The following BCL7A variants were observed in gnomAD, a reference collection of about 807,000 sequenced individuals.
The protein encoded by BCL7A is BAF chromatin remodeling complex subunit BCL7A, also known as B-cell CLL/lymphoma 7 protein family member A.
BCL7A carries 11 observed loss-of-function variants against 28.4 expected under a neutral mutation model. That is an observed-to-expected ratio of 0.39 (90% CI 0.24 to 0.64). BCL7A has a LOEUF of 0.64. Ranked by LOEUF, BCL7A falls within the 30% of genes least tolerant of loss-of-function variation. The pLI is 0.50. For synonymous variants in BCL7A, 123 were observed against 103.3 expected (o/e 1.19, Z -1.15); for missense variants, 222 against 274.8 (o/e 0.81, Z 1.36).
intron 1 of BCL7A, among the ~76,000 whole-genome samples, chr12:122,024,540 T>A (rs1883572208): frequency 6.7e-6 from 1 of 148,784 alleles, no homozygotes; most frequent in African/African-American, 2.5e-5. Flanking sequence ...TGAGAAGCCA[T>A]ATCTCACCTT....
At chr12:122,024,470 T>G (rs1274153583) in intron 1 of BCL7A, among the ~76,000 whole-genome samples, 4 of 151,676 alleles carry the variant, frequency 2.6e-5, no homozygotes, top group Admixed American at 6.6e-5. Context: ...TTGTTTTTTT[T>G]TTTTTTTGGC....
intron 1 of BCL7A, among the ~76,000 whole-genome samples, chr12:122,030,422 C>T (rs1392434210): frequency 2.0e-5 from 3 of 152,264 alleles, no homozygotes; most frequent in Non-Finnish European, 2.9e-5. Context: ...GGGCCCGACT[C>T]GTGCCACCCA....
At chr12:122,028,372 T>C (rs968764232) in intron 1 of BCL7A, among the ~76,000 whole-genome samples, 17 of 152,136 alleles carry the variant, frequency 1.1e-4, no homozygotes, top group Non-Finnish European at 2.2e-4. Context: ...CTGGCACACT[T>C]TCTGCCCTGA....
intron 1 of BCL7A, among the ~76,000 whole-genome samples, chr12:122,024,279 T>A (rs2135835959): frequency 6.6e-6 from 1 of 152,326 alleles, no homozygotes; most frequent in Admixed American, 6.5e-5. Flanking sequence ...GGCATATCAT[T>A]GTCACTTCTC....
intron 3 of BCL7A, among the ~76,000 whole-genome samples, chr12:122,038,431 CAAAAAAAAAAAAA>C (rs56376395): frequency 3.6e-4 from 12 of 33,560 alleles, no homozygotes; most frequent in African/African-American, 8.1e-4. Context: ...GACTCTGCCT[CAAAAAAAAAAAAA>C]AAAAAAAAAA....
intron 3 of BCL7A, among the ~76,000 whole-genome samples, chr12:122,039,502 AT>A (rs1166260250): frequency 9.9e-5 from 14 of 141,740 alleles, no homozygotes; most frequent in East Asian, 2.0e-4. Flanking sequence ...ATATATATAT[AT>A]ATAATATATA....
chr12:122,060,659 G>C lies in BCL7A; in HGVS notation c.*1496G>C, dbSNP rs1048156982. ...TTACTGGGGGTGGGGTGGGGTCATG[G>C]GTTTTGTTGTTTTTGGGGGCTAATT... On this transcript the variant is annotated 3_prime_UTR_variant, in exon 6 of 6. Coordinates refer to ENST00000261822, the MANE Select transcript of BCL7A (RefSeq NM_001024808.3). 4.3e-6 allele frequency: 1 copy of C among 233,214 alleles called. No homozygotes were observed. Among genetic ancestry groups the C allele is most frequent in the African/African-American group, 2.2e-5 (1 of 45,290 alleles). 14.4% of individuals were successfully genotyped at this position (233,214 alleles called of 1,614,324 possible).
intron 4 of BCL7A, among the ~76,000 whole-genome samples, chr12:122,045,666 T>C (rs1458865957): frequency 6.6e-6 from 1 of 152,170 alleles, no homozygotes; most frequent in Non-Finnish European, 1.5e-5. Flanking sequence ...TATATCCACC[T>C]GCTGAACTTG....
At chr12:122,038,079 C>T (rs1334535298) in intron 3 of BCL7A, among the ~76,000 whole-genome samples, 1 of 151,620 alleles carries the variant, frequency 6.6e-6, no homozygotes, top group African/African-American at 2.4e-5. Flanking sequence ...CGAGATCGCA[C>T]CACTGCACTC....
intron 3 of BCL7A, among the ~76,000 whole-genome samples, chr12:122,038,504 C>T (rs368664533): frequency 4.8e-4 from 72 of 149,788 alleles, no homozygotes; most frequent in Non-Finnish European, 9.2e-4. Context: ...AGAAAGCCCC[C>T]CCAACCAGCC....
Position 122,059,095 on chromosome 12 carries a change from T to C in BCL7A, c.565T>C (p.Leu189=), listed in dbSNP as rs28629903. The C allele has an allele frequency of 0.56, 895,280 of 1,602,714 alleles. 253,222 individuals are homozygous for C. Among genetic ancestry groups the C allele is most frequent in the Admixed American group, 0.65 (39,073 of 59,976 alleles). The change falls in exon 6 of 6, where the codon TTG becomes CTG. Residue 189 remains leucine, a synonymous_variant. Coordinates refer to ENST00000261822, the MANE Select transcript of BCL7A (RefSeq NM_001024808.3). The surrounding 1 kb of genome is among the most constrained non-coding windows in gnomAD (Gnocchi z 4.0). ...CCCCTTTTCTCCTCTCCCCAAGGAT[T>C]TGGAAGGAGTGCCACCCTCTAAAAA... ...AAETSAISQD[L]EGVPPSKKMK...
At chr12:122,025,328 G>C (rs544857414) in intron 1 of BCL7A, among the ~76,000 whole-genome samples, 2 of 151,394 alleles carry the variant, frequency 1.3e-5, no homozygotes, top group East Asian at 2.0e-4. Flanking sequence ...CAAAAAAAAA[G>C]AAAAAGAAAA....
chr12:122,042,392 C>A (rs1263547628), intron 3 of BCL7A, among the ~76,000 whole-genome samples: 1 of 151,996 alleles, frequency 6.6e-6, no homozygotes, highest in Non-Finnish European at 1.5e-5. Context: ...TGATGGCTCA[C>A]ACCTGTAATC....
At position 122,061,921 on chromosome 12, in the gene BCL7A, ATTTT is replaced by A; in HGVS notation, c.*2769_*2772del. ...TACCTAATTTTTTCCCCTTTCAAGA[ATTTT>A]TTTTTTTTTTGGTGTGTTGTACAGC... On this transcript the variant is annotated 3_prime_UTR_variant, in exon 6 of 6. Coordinates refer to ENST00000261822, the MANE Select transcript of BCL7A (RefSeq NM_001024808.3). 1 of 185,332 alleles carries A rather than the reference ATTTT, an allele frequency of 5.4e-6. No homozygotes were observed. 11.5% of individuals were successfully genotyped at this position (185,332 alleles called of 1,614,324 possible). A position where few individuals can be genotyped will look rare whatever the true frequency, so the allele number is the denominator to read the frequency against.
intron 5 of BCL7A, among the ~76,000 whole-genome samples, chr12:122,055,147 A>G (rs971045210): frequency 4.6e-5 from 7 of 152,234 alleles, no homozygotes; most frequent in Non-Finnish European, 8.8e-5. Context: ...TCTGCCCTCA[A>G]GGAGCCTCTG....
intron 3 of BCL7A, among the ~76,000 whole-genome samples, chr12:122,039,517 T>A (rs1041766898): frequency 1.4e-5 from 2 of 141,174 alleles, no homozygotes; most frequent in East Asian, 2.0e-4. Flanking sequence ...ATATATATAT[T>A]ATATATATTA....
intron 1 of BCL7A, among the ~76,000 whole-genome samples, chr12:122,028,789 G>C (rs965447478): frequency 6.1e-5 from 9 of 148,716 alleles, no homozygotes; most frequent in Non-Finnish European, 1.3e-4. Context: ...TGTGTAAGTA[G>C]AGTGCTTGGC....
chr12:122,041,157 G>A (rs146308024), intron 3 of BCL7A, among the ~76,000 whole-genome samples: 76 of 152,270 alleles, frequency 5.0e-4, no homozygotes, highest in African/African-American at 1.7e-3. Context: ...GCAGGTTGAG[G>A]TAGAGGAGGG....
chr12:122,022,837 G>T (rs1245472240), intron 1 of BCL7A, among the ~76,000 whole-genome samples: 1 of 151,940 alleles, frequency 6.6e-6, no homozygotes. Context: ...ATGGGGGCGA[G>T]CGCTGGGAGC....
Sources: allele counts gnomAD v4.1 joint callset (sites outside exome capture counted in the v4.1 genomes callset), GRCh38; gene constraint gnomAD v4.1.1; non-coding constraint Gnocchi (gnomAD v3.1); transcripts MANE v1.5; gene names NCBI Gene and HGNC (gene_info 2026-07-23, HGNC 2026-07-21).